Variants in ZZEF1 observed in about 807,000 individuals in gnomAD.
The protein encoded by ZZEF1 is zinc finger ZZ-type and EF-hand domain-containing protein 1.
A neutral mutation model predicts 342.8 loss-of-function variants in ZZEF1; 157 were observed. The ratio of observed to expected loss-of-function variants is 0.46; its 90% CI spans 0.40 to 0.52. The LOEUF (loss-of-function observed/expected upper bound fraction) is 0.52. Ranked by LOEUF, ZZEF1 falls within the 20% of genes least tolerant of loss-of-function variation. The probability of loss-of-function intolerance (pLI) is 0.00; values close to 1 mark genes in which losing one functional copy is unlikely to be tolerated. For missense variants in ZZEF1, 3,480 were observed against 3,725.6 expected, an observed-to-expected ratio of 0.93 and a Z score of 1.72; for synonymous variants, 1,505 against 1,429.1, an observed-to-expected ratio of 1.05 and a Z score of -1.20.
chr17:4,109,588 C>T (rs1195892960), intron 6 of ZZEF1, 65 bp downstream of exon 6: 9 of 1,546,886 alleles, frequency 5.8e-6, no homozygotes, highest in Non-Finnish European at 8.0e-6. Flanking sequence ...CAGTGATACG[C>T]CCTAAAGGAT....
chr17:4,132,404 A>C (rs1267006313), intron 1 of ZZEF1, among the ~76,000 whole-genome samples: 1 of 152,110 alleles, frequency 6.6e-6, no homozygotes, highest in East Asian at 1.9e-4. Context: ...GGCTAGTCTC[A>C]AACTCCTGGC....
At chr17:4,113,444 C>CTT (rs1396734285) in intron 4 of ZZEF1, among the ~76,000 whole-genome samples, 1 of 152,098 alleles carries the variant, frequency 6.6e-6, no homozygotes, top group Non-Finnish European at 1.5e-5. Context: ...AATCCCAGCA[C>CTT]TTTGAGAAGT....
rs1473272294 is a variant in ZZEF1, at chr17:4,049,716, C to T, written c.6007G>A (p.Ala2003Thr). The T allele has an allele frequency of 6.2e-7, 1 of 1,613,894 alleles. No individual in the cohort carries two copies. Reference protein sequence around the residue: ...KAVQGAELSEAGNGKRAVHEE... With the variant: ...KAVQGAELSETGNGKRAVHEE... ...AAAGAATCGTCATTTACATTGCCTG[C>T]TTCTGACAGCTCAGCACCCTGGACA... Residue 2003 changes from alanine (A) to threonine (T), a missense_variant, in exon 37 of 55, where the codon GCA becomes ACA. Ala to Thr is a moderately conservative substitution (Grantham distance 58, BLOSUM62 0). Coordinates refer to ENST00000381638, the MANE Select transcript of ZZEF1 (RefSeq NM_015113.4).
At chr17:4,031,693 A>T (rs1256461882) in intron 42 of ZZEF1, among the ~76,000 whole-genome samples, 1 of 152,252 alleles carries the variant, frequency 6.6e-6, no homozygotes, top group Non-Finnish European at 1.5e-5. Flanking sequence ...TCAAAAGGGC[A>T]TTTGTGATAT....
intron 36 of ZZEF1, 70 bp downstream of exon 36, chr17:4,050,711 T>C (rs2057025343): frequency 1.1e-5 from 18 of 1,601,138 alleles, no homozygotes; most frequent in Non-Finnish European, 1.4e-5. Context: ...CTTAGTATTT[T>C]ACATTTGCCA....
chr17:4,008,958 CAGAG>C lies in ZZEF1; in HGVS notation c.8734-8_8734-5del. 6.5e-7 allele frequency: 1 copy of C among 1,540,142 alleles called. No individual in the cohort carries two copies. Among genetic ancestry groups the C allele is most frequent in the Non-Finnish European group, 8.7e-7 (1 of 1,146,972 alleles). On this transcript the variant is annotated splice_polypyrimidine_tract_variant and splice_region_variant and intron_variant, in intron 53 of 54. Coordinates refer to ENST00000381638, the MANE Select transcript of ZZEF1 (RefSeq NM_015113.4). This position sits in a 1 kb window ranked among gnomAD's most constrained non-coding sequence, Gnocchi z 4.2. ...AATCCTGCAGCACGCCAAGCTCCTG[CAGAG>C]AGAGAGCAGGGGCTGTGAGTGACAG...
chr17:4,109,685 G>A lies in ZZEF1; in HGVS notation c.1245C>T (p.Pro415=), dbSNP rs772710867. ...TGTGCAGCACTGTCTGGACAAAGGC[G>A]GGATTTGTCTCCATAGAAGCCGTCA... The part of the protein sequence containing the change: ...SLVTASMETN[P]AFVQTVLHNT... The change falls in exon 6 of 55, where the codon CCC becomes CCT. Residue 415 remains proline, a synonymous_variant. Transcript: ENST00000381638. 21 of 1,614,086 alleles carry A rather than the reference G, an allele frequency of 1.3e-5. No homozygotes were observed. The East Asian group carries it at 1.6e-4, about 12-fold the overall frequency.
intron 49 of ZZEF1, among the ~76,000 whole-genome samples, chr17:4,015,591 C>G (rs2056078912): frequency 6.6e-6 from 1 of 152,164 alleles, no homozygotes; most frequent in Non-Finnish European, 1.5e-5. Flanking sequence ...ATGGTGAAAC[C>G]CCGTCTCTAC....
intron 46 of ZZEF1, among the ~76,000 whole-genome samples, chr17:4,018,427 C>T (rs1031712720): frequency 6.7e-6 from 1 of 149,586 alleles, no homozygotes; most frequent in African/African-American, 2.5e-5. Flanking sequence ...CCCTTCTCTC[C>T]TTTTTTTTTT....
chr17:4,079,067 T>A (rs2057675322), intron 18 of ZZEF1, among the ~76,000 whole-genome samples: 1 of 152,212 alleles, frequency 6.6e-6, no homozygotes. Context: ...GATCTCCAAA[T>A]GGTATATACA....
At chr17:4,069,116 T>C (rs1215339671) in intron 26 of ZZEF1, among the ~76,000 whole-genome samples, 2 of 152,226 alleles carry the variant, frequency 1.3e-5, no homozygotes, top group Non-Finnish European at 2.9e-5. Flanking sequence ...TTTTCTCTTC[T>C]GCAAACAGGT....
chr17:4,136,114 C>T (rs2058743305), intron 1 of ZZEF1, among the ~76,000 whole-genome samples: 1 of 149,882 alleles, frequency 6.7e-6, no homozygotes, highest in Non-Finnish European at 1.5e-5. Flanking sequence ...CCTCAGCCTC[C>T]CGAGTAGCTG....
At chr17:4,137,398 CAGG>C (rs2058767144) in intron 1 of ZZEF1, among the ~76,000 whole-genome samples, 1 of 152,274 alleles carries the variant, frequency 6.6e-6, no homozygotes, top group African/African-American at 2.4e-5. Flanking sequence ...ATCACAAGGT[CAGG>C]AGATCGAGAC....
intron 9 of ZZEF1, 103 bp downstream of exon 9, chr17:4,102,214 T>TTTGA: frequency 9.9e-7 from 1 of 1,012,428 alleles, no homozygotes. Context: ...CAACCTAAAA[T>TTTGA]TGAAGACTGC....
In ZZEF1 at chr17:4,008,676, A is replaced by C. The variant is rs930315923; in HGVS notation, c.8805+207T>G. ...AAGACACAAATTCTTCTGACCCCAC[A>C]GTTTAGAGTGAATGACTCTGATAAA... On this transcript the variant is annotated intron_variant, in intron 54 of 54. Transcript: ENST00000381638. This position sits in a 1 kb window ranked among gnomAD's most constrained non-coding sequence, Gnocchi z 4.2. The C allele has an allele frequency of 4.7e-6, 6 of 1,272,684 alleles. No homozygotes were observed. Among genetic ancestry groups the C allele is most frequent in the Non-Finnish European group, 5.9e-6 (6 of 1,008,836 alleles). The allele number at this position is 1,272,684 out of a possible 1,614,324, so 78.8% of individuals were successfully genotyped here.
rs941121370 is a variant in ZZEF1 at position 4,044,358 on chromosome 17, T to C, written c.6032A>G (p.His2011Arg). 2.5e-6 allele frequency: 4 copies of C among 1,612,252 alleles called. No homozygotes were observed. The highest frequency in any genetic ancestry group is 3.4e-6 in the Non-Finnish European group (4 of 1,179,404). ...SEAGNGKRAV[H>R]EEIRPVDFKQ... ...GAAATCTACAGGTCTGATTTCCTCATGAACAGCTCTCTTTCCCTAAAAAAA... is the reference window on the plus strand; with the variant it reads ...GAAATCTACAGGTCTGATTTCCTCACGAACAGCTCTCTTTCCCTAAAAAAA... The change falls in exon 38 of 55, where the codon CAT (histidine) becomes CGT (arginine). Residue 2011 changes from histidine to arginine, a missense_variant. Around this residue, in one of 5 missense-constraint regions of ZZEF1, gnomAD observed 1,269 missense variants for 1,342.4 expected, o/e 0.95. Coordinates refer to ENST00000381638, the MANE Select transcript of ZZEF1 (RefSeq NM_015113.4).
At position 4,064,468 on chromosome 17, in the gene ZZEF1, G is replaced by C; in HGVS notation, c.4611C>G (p.Ser1537=). The part of the protein sequence containing the change: ...PFTRGRLRLL[S]FRSMEEARLV... ...GTCTGGCCTCCTCCATGGATCGAAAGGAGAGCAGCCGGAGTCGCCCTCGGG... is the reference window on the plus strand; with the variant it reads ...GTCTGGCCTCCTCCATGGATCGAAACGAGAGCAGCCGGAGTCGCCCTCGGG... Residue 1537 remains serine, a synonymous_variant, in exon 29 of 55, where the codon TCC becomes TCG. Coordinates refer to ENST00000381638, the MANE Select transcript of ZZEF1 (RefSeq NM_015113.4). The C allele has an allele frequency of 6.2e-7, 1 of 1,614,194 alleles. No individual in the cohort carries two copies. The highest frequency in any genetic ancestry group is 1.1e-5 in the South Asian group (1 of 91,082).
chr17:4,134,375 A>C (rs1380429353), intron 1 of ZZEF1, among the ~76,000 whole-genome samples: 1 of 146,268 alleles, frequency 6.8e-6, no homozygotes, highest in East Asian at 2.0e-4. Flanking sequence ...TTTATATAAT[A>C]TATAATTATT....
chr17:4,132,920 C>T (rs1226091074), intron 1 of ZZEF1, among the ~76,000 whole-genome samples: 1 of 152,042 alleles, frequency 6.6e-6, no homozygotes, highest in Non-Finnish European at 1.5e-5. Flanking sequence ...GAGCTGAGAT[C>T]ACGCCACTGC....
Sources: allele counts gnomAD v4.1 joint callset (sites outside exome capture counted in the v4.1 genomes callset), GRCh38; gene constraint gnomAD v4.1.1; regional missense constraint gnomAD v4.1.1; non-coding constraint Gnocchi (gnomAD v3.1); transcripts MANE v1.5; gene names NCBI Gene and HGNC (gene_info 2026-07-23, HGNC 2026-07-21).